MIAT: variants seen among roughly 807,000 people sequenced by gnomAD.
MIAT encodes MI related novel mRNA.
intron 2 of MIAT, among the ~76,000 whole-genome samples, chr22:26,660,461 CAAAA>C (rs58234097): frequency 3.7e-4 from 40 of 107,156 alleles, no homozygotes; most frequent in Admixed American, 6.0e-4. Context: ...GAGACTATCT[CAAAA>C]AAAAAAAAAA....
At chr22:26,655,343 T>C (rs1930407565) in intron 2 of MIAT, among the ~76,000 whole-genome samples, 1 of 152,198 alleles carries the variant, frequency 6.6e-6, no homozygotes. Flanking sequence ...GAAGTTGGAA[T>C]CTAAAAGGAC....
At chr22:26,665,629 T>A (rs1374116270) in exon 4 of MIAT, 3 of 398,568 alleles carry the variant, frequency 7.5e-6, no homozygotes, top group Non-Finnish European at 1.3e-5. Flanking sequence ...AGATAAGTAT[T>A]TAAACTTACC....
At chr22:26,669,572 A>AAAAC in exon 6 of MIAT, 1 of 398,668 alleles carries the variant, frequency 2.5e-6, no homozygotes, top group Non-Finnish European at 4.4e-6. Flanking sequence ...CCCATCTCCA[A>AAAAC]AAACAGTCAC....
At chr22:26,659,436 C>T (rs1930576503) in intron 2 of MIAT, among the ~76,000 whole-genome samples, 2 of 152,300 alleles carry the variant, frequency 1.3e-5, no homozygotes, top group East Asian at 3.9e-4. Context: ...TAAGCCTTAA[C>T]CCTACTCCTT....
At chr22:26,672,100 CTGCG>C (rs1190879057), downstream of MIAT, 4 of 399,624 alleles carry the variant, frequency 1.0e-5, no homozygotes, top group Non-Finnish European at 1.8e-5. Context: ...ACTAACGGAC[CTGCG>C]TGCGTTCTTC....
At chr22:26,674,411 G>A, downstream of MIAT, 1 of 398,830 alleles carries the variant, frequency 2.5e-6, no homozygotes, top group Non-Finnish European at 4.4e-6. Flanking sequence ...CTGGTAGTCA[G>A]AGTCTGCAGG....
At chr22:26,659,955 C>T (rs1275339573) in intron 2 of MIAT, among the ~76,000 whole-genome samples, 2 of 150,578 alleles carry the variant, frequency 1.3e-5, no homozygotes. Flanking sequence ...TGTGCCTCAG[C>T]CTCCCAAGTA....
rs144051630 is a variant in MIAT at position 26,674,932 on chromosome 22, G to A, written n.8600G>A. On this transcript the variant is annotated non_coding_transcript_exon_variant, in exon 5 of 5. Coordinates refer to the MIAT transcript ENST00000613780. Reference sequence around the variant, plus strand: ...CTTTTATAGCCTAGTGGGAGAGTTGGTGAAGTAGATAGTGATTCAGTGAGA... The same window carrying A: ...CTTTTATAGCCTAGTGGGAGAGTTGATGAAGTAGATAGTGATTCAGTGAGA... 316 of 398,852 alleles carry A rather than the reference G, an allele frequency of 7.9e-4. 2 individuals carry two copies. Among genetic ancestry groups the A allele is most frequent in the African/African-American group, 5.8e-3 (285 of 48,744 alleles). 24.7% of individuals were successfully genotyped at this position (398,852 alleles called of 1,614,324 possible). A position where few individuals can be genotyped will look rare whatever the true frequency, so the allele number is the denominator to read the frequency against.
downstream of MIAT, chr22:26,670,045 A>C: frequency 2.6e-6 from 1 of 383,996 alleles, no homozygotes; most frequent in Non-Finnish European, 4.5e-6. Context: ...GTATAGACTT[A>C]GGGTTTATCT....
intron 3 of MIAT, chr22:26,665,520 T>C (rs748901678): frequency 1.9e-4 from 75 of 398,434 alleles, no homozygotes; most frequent in Non-Finnish European, 2.6e-4. Context: ...CAGTCCAGGG[T>C]CTATTTACAG....
At chr22:26,663,446 C>T (rs920143029) in intron 3 of MIAT, 1 of 398,552 alleles carries the variant, frequency 2.5e-6, no homozygotes, top group Non-Finnish European at 4.4e-6. Context: ...TAGAGACCAG[C>T]TTAATGCTTT....
At chr22:26,666,530 G>A in exon 4 of MIAT, 1 of 398,664 alleles carries the variant, frequency 2.5e-6, no homozygotes, top group Non-Finnish European at 4.4e-6. Context: ...AGCAGAGCTG[G>A]GATCAGAATT....
intron 2 of MIAT, chr22:26,657,193 G>A (rs1286285999): frequency 4.3e-5 from 11 of 255,652 alleles, no homozygotes; most frequent in Non-Finnish European, 5.2e-5. Flanking sequence ...AGCTCTCTGC[G>A]GCCTAATGTG....
chr22:26,671,830 TAAAAAAA>T (rs370514350), downstream of MIAT: 2 of 270,780 alleles, frequency 7.4e-6, no homozygotes, highest in Non-Finnish European at 1.4e-5. Context: ...GGCAGACACC[TAAAAAAA>T]AAAAAAGTAT....
exon 5 of MIAT, chr22:26,676,097 C>T (rs973399562): frequency 1.0e-5 from 4 of 397,704 alleles, no homozygotes; most frequent in African/African-American, 2.1e-5. Flanking sequence ...CCTCCCAATC[C>T]GAACAGGTGT....
At chr22:26,647,120 G>A (rs1277023554) in intron 1 of MIAT, 7 of 398,320 alleles carry the variant, frequency 1.8e-5, no homozygotes, top group Admixed American at 4.4e-5. Flanking sequence ...GTATTGAAAC[G>A]GAGACCTCAG....
At chr22:26,651,974 G>A (rs777591253) in intron 2 of MIAT, among the ~76,000 whole-genome samples, 8 of 152,306 alleles carry the variant, frequency 5.3e-5, no homozygotes, top group Non-Finnish European at 8.8e-5. Flanking sequence ...TAGAGGATGC[G>A]ACTTCCCTTT....
exon 5 of MIAT, chr22:26,675,043 C>CACAT: frequency 2.5e-6 from 1 of 398,750 alleles, no homozygotes; most frequent in Non-Finnish European, 4.4e-6. Flanking sequence ...CAGGCGTGTG[C>CACAT]CAGGCATTGG....
At chr22:26,673,032 C>G, downstream of MIAT, 1 of 398,626 alleles carries the variant, frequency 2.5e-6, no homozygotes, top group Non-Finnish European at 4.4e-6. Flanking sequence ...GGGAAAGATC[C>G]GTCCCATTCC....
Sources: gnomAD v4.1 joint callset for allele counts (sites outside exome capture counted in the v4.1 genomes callset) on GRCh38, gnomAD v4.1.1 for gene constraint, MANE v1.5 for transcripts, NCBI Gene and HGNC (gene_info 2026-07-23, HGNC 2026-07-21) for gene names.